Variants in LCP1 observed in about 807,000 individuals in gnomAD.
LCP1 encodes the protein lymphocyte cytosolic protein 1, also known as plastin-2.
In LCP1, 23 loss-of-function variants were observed where a neutral mutation model predicts 72.0. The observed-to-expected ratio is 0.32, with a 90% CI of 0.23 to 0.45. LCP1 has a LOEUF of 0.45. LCP1 is among the 20% of genes least tolerant of loss of function. The pLI, the probability that LCP1 is intolerant of heterozygous loss-of-function variation, is 1.00. For synonymous variants in LCP1, 245 were observed against 275.4 expected (o/e 0.89, Z 1.09); for missense variants, 571 against 748.3 (o/e 0.76, Z 2.76).
intron 1 of LCP1, 33 bp downstream of exon 1, chr13:46,182,078 T>C (rs2045958759): frequency 6.6e-6 from 1 of 152,306 alleles, no homozygotes. Flanking sequence ...CACAAGCGCT[T>C]AAAACCAACA....
intron 15 of LCP1, among the ~76,000 whole-genome samples, chr13:46,130,400 T>G (rs1394136368): frequency 6.6e-6 from 1 of 152,216 alleles, no homozygotes; most frequent in African/African-American, 2.4e-5. Context: ...GAGGAATCAT[T>G]TGGCAGGTGA....
chr13:46,132,001 C>CT (rs57807290), intron 14 of LCP1, among the ~76,000 whole-genome samples: 1 of 147,870 alleles, frequency 6.8e-6, no homozygotes, highest in Non-Finnish European at 1.5e-5. Context: ...CTCTCTGAAT[C>CT]TTTTTTTTTT....
intron 14 of LCP1, 25 bp downstream of exon 14, chr13:46,134,102 T>C (rs2045649638): frequency 6.2e-7 from 1 of 1,612,284 alleles, no homozygotes. Context: ...TCAGATGGCC[T>C]CTAGCAGAAG....
rs56783921 is a variant in LCP1 at position 46,150,112 on chromosome 13, T to C, written c.882+824A>G. Among the ~76,000 whole-genome samples the C allele has an allele frequency of 8.8e-3, 1,348 of 152,330 alleles. 22 individuals carry two copies. Among genetic ancestry groups the C allele is most frequent in the African/African-American group, 0.029 (1,193 of 41,572 alleles). ...CAAAGAATTACAAGCCTAGGTGTAC[T>C]CCTGTTGAGTCATGTGAACTTTCCT... On this transcript the variant is annotated intron_variant, in intron 8 of 15. Coordinates refer to ENST00000323076, the MANE Select transcript of LCP1 (RefSeq NM_002298.5).
Position 46,127,129 on chromosome 13 carries a change from G to A in LCP1, c.*462C>T. The A allele has an allele frequency of 4.3e-6, 1 of 232,684 alleles. No homozygotes were observed. Among genetic ancestry groups the A allele is most frequent in the South Asian group, 1.8e-4 (1 of 5,578 alleles). 14.4% of individuals were successfully genotyped at this position (232,684 alleles called of 1,614,324 possible). A position where few individuals can be genotyped will look rare whatever the true frequency, so the allele number is the denominator to read the frequency against. ...GCAGGGTAGGAAGAGGGGACAGAAA[G>A]AGGGGCTTGCAACAGATCAAATGCT... On this transcript the variant is annotated 3_prime_UTR_variant, in exon 16 of 16. Transcript: ENST00000323076.
At chr13:46,131,098 T>C (rs921530911) in intron 14 of LCP1, among the ~76,000 whole-genome samples, 160 bp from the exon 15 acceptor site, 1 of 152,146 alleles carries the variant, frequency 6.6e-6, no homozygotes, top group South Asian at 2.1e-4. Context: ...TAAACTGTAG[T>C]TTCTGTAGGA....
At chr13:46,160,240 C>T (rs1428445332) in intron 1 of LCP1, among the ~76,000 whole-genome samples, 1 of 152,156 alleles carries the variant, frequency 6.6e-6, no homozygotes, top group African/African-American at 2.4e-5. Context: ...CCCATTTGAG[C>T]TCCTAGATGA....
At chr13:46,158,056 GT>G (rs1166514551) in intron 4 of LCP1, among the ~76,000 whole-genome samples, 1 of 152,098 alleles carries the variant, frequency 6.6e-6, no homozygotes, top group Non-Finnish European at 1.5e-5. Flanking sequence ...ATCAACTAAC[GT>G]TTTGAATAAT....
In LCP1 at chr13:46,142,540, C is replaced by G. The variant is rs200762643; in HGVS notation, c.1369-115G>C. 38 of 1,133,402 alleles carry G rather than the reference C, an allele frequency of 3.4e-5. No homozygotes were observed. The East Asian group carries it at 9.9e-4, about 29-fold the overall frequency. 70.2% of individuals were successfully genotyped at this position (1,133,402 alleles called of 1,614,324 possible). A position where few individuals can be genotyped will look rare whatever the true frequency, so the allele number is the denominator to read the frequency against. ...AATAAATATGGTAAGACCGAATGAC[C>G]TCTCAAGTCTCAACTGGTTCTGCAA... is the stretch of plus-strand genomic sequence containing the variant. On this transcript the variant is annotated intron_variant, in intron 12 of 15. Coordinates refer to ENST00000323076, the MANE Select transcript of LCP1 (RefSeq NM_002298.5).
At chr13:46,131,910 T>C (rs2138216699) in intron 14 of LCP1, among the ~76,000 whole-genome samples, 1 of 151,954 alleles carries the variant, frequency 6.6e-6, no homozygotes, top group South Asian at 2.1e-4. Flanking sequence ...AGCACTATGC[T>C]CACTATTTGG....
chr13:46,175,373 G>C (rs2045924297), intron 1 of LCP1, among the ~76,000 whole-genome samples: 1 of 152,154 alleles, frequency 6.6e-6, no homozygotes, highest in African/African-American at 2.4e-5. Context: ...CTGAACTTCA[G>C]AGGCTCCAGA....
At chr13:46,134,095 G>T (rs9595416) in intron 14 of LCP1, 32 bp downstream of exon 14, 1 of 1,610,276 alleles carries the variant, frequency 6.2e-7, no homozygotes, top group Admixed American at 1.7e-5. Context: ...ATAGAGCTCA[G>T]ATGGCCTCTA....
intron 1 of LCP1, among the ~76,000 whole-genome samples, chr13:46,174,855 A>AAAAG (rs2045921383): frequency 6.6e-6 from 1 of 151,782 alleles, no homozygotes; most frequent in Admixed American, 6.6e-5. Flanking sequence ...AAAAAAAGAA[A>AAAAG]AAAGAAAGAA....
At chr13:46,160,384 A>G (rs2138264804) in intron 1 of LCP1, among the ~76,000 whole-genome samples, 1 of 152,370 alleles carries the variant, frequency 6.6e-6, no homozygotes, top group South Asian at 2.1e-4. Flanking sequence ...GCAATAAGCA[A>G]CTAAAACACT....
intron 11 of LCP1, 80 bp from the exon 12 acceptor site, chr13:46,143,484 A>C: frequency 1.1e-6 from 1 of 885,022 alleles, no homozygotes; most frequent in East Asian, 2.5e-5. Context: ...ACTTTCTTAC[A>C]TATTAGTTCA....
chr13:46,129,022 C>G (rs530946304), intron 15 of LCP1, among the ~76,000 whole-genome samples: 1 of 152,206 alleles, frequency 6.6e-6, no homozygotes, highest in Admixed American at 6.5e-5. Context: ...CATTTTTTCT[C>G]CTTGTCTCTC....
intron 7 of LCP1, among the ~76,000 whole-genome samples, chr13:46,151,583 A>AT (rs2045764445): frequency 6.6e-6 from 1 of 152,190 alleles, no homozygotes; most frequent in African/African-American, 2.4e-5. Context: ...ATGAGTAAGT[A>AT]TTTTTTTGCT....
chr13:46,160,931 A>G (rs1353709795), intron 1 of LCP1, among the ~76,000 whole-genome samples: 1 of 152,142 alleles, frequency 6.6e-6, no homozygotes, highest in African/African-American at 2.4e-5. Flanking sequence ...TTATATTTTC[A>G]TATTATTCTA....
intron 13 of LCP1, among the ~76,000 whole-genome samples, chr13:46,135,743 CTTTTTTTTTTT>C: frequency 7.7e-6 from 1 of 130,568 alleles, no homozygotes; most frequent in South Asian, 2.5e-4. Flanking sequence ...TCTGGTCTGT[CTTTTTTTTTTT>C]TTTTTTTTTA....
Sources: allele counts gnomAD v4.1 joint callset (sites outside exome capture counted in the v4.1 genomes callset), GRCh38; gene constraint gnomAD v4.1.1; transcripts MANE v1.5; gene names NCBI Gene and HGNC (gene_info 2026-07-23, HGNC 2026-07-21).